PPP2R2B: variants seen among roughly 807,000 people sequenced by gnomAD.
The protein encoded by PPP2R2B is protein phosphatase 2 regulatory subunit Bbeta.
A neutral mutation model predicts 46.0 loss-of-function variants in PPP2R2B; 5 were observed. The observed-to-expected ratio is 0.11, with a 90% confidence interval of 0.06 to 0.23. PPP2R2B has a LOEUF of 0.23. PPP2R2B is among the 10% of genes least tolerant of loss of function. PPP2R2B has a pLI of 1.00. For missense variants in PPP2R2B, 367 were observed against 575.0 expected (o/e 0.64, Z 3.70); for synonymous variants, 215 against 206.7 (o/e 1.04, Z -0.34).
At position 146,600,476 on chromosome 5, in the gene PPP2R2B, A is replaced by G. The variant is rs1185051084; in HGVS notation, c.791-16T>C. The G allele has an allele frequency of 2.5e-6, 4 of 1,611,122 alleles. No homozygotes were observed. The African/African-American group carries it at 4.0e-5, about 16-fold the overall frequency. ...TCTTCAAAAACTGCAGAACAAAAGC[A>G]AAACAAGACAAATTTAGCAATCCTT... On this transcript the variant is annotated splice_polypyrimidine_tract_variant and intron_variant, in intron 7 of 9. Transcript: ENST00000394411.
chr5:146,848,577 G>A (rs1760148400), intron 2 of PPP2R2B, among the ~76,000 whole-genome samples: 1 of 152,094 alleles, frequency 6.6e-6, no homozygotes, highest in Admixed American at 6.5e-5. Context: ...CAGAGATAAA[G>A]TGCCATTTCC....
intron 2 of PPP2R2B, among the ~76,000 whole-genome samples, chr5:146,854,944 C>G (rs1313813170): frequency 6.6e-6 from 1 of 152,140 alleles, no homozygotes; most frequent in Non-Finnish European, 1.5e-5. Flanking sequence ...TGATATGACA[C>G]AAGTCGTAAA....
At chr5:146,987,266 A>G (rs1753473959) in intron 1 of PPP2R2B, among the ~76,000 whole-genome samples, 1 of 152,132 alleles carries the variant, frequency 6.6e-6, no homozygotes, top group African/African-American at 2.4e-5. Context: ...GGGATCTTCA[A>G]TCTGAAGGAA....
At chr5:146,801,683 C>T (rs960544724) in intron 2 of PPP2R2B, among the ~76,000 whole-genome samples, 12 of 152,256 alleles carry the variant, frequency 7.9e-5, no homozygotes, top group Non-Finnish European at 1.8e-4. Flanking sequence ...TTTATTCACT[C>T]ACCCATAAAA....
At position 146,909,117 on chromosome 5, in the gene PPP2R2B, G is replaced by T. The variant is rs150832974; in HGVS notation, c.79+146548C>A. ...GGGCAGTGGGAGGTCACAGAAAGTAGCAGGGTGAGTGACCTTGACTGTTTC... is the reference window on the plus strand; with the variant it reads ...GGGCAGTGGGAGGTCACAGAAAGTATCAGGGTGAGTGACCTTGACTGTTTC... On this transcript the variant is annotated intron_variant, in intron 1 of 8. Transcript: ENST00000336640. Among the ~76,000 whole-genome samples the T allele has an allele frequency of 2.6e-5, 4 of 152,306 alleles. No homozygotes were observed. The East Asian group carries it at 7.7e-4, about 29-fold the overall frequency.
chr5:146,934,252 G>A (rs1363874780), intron 1 of PPP2R2B, among the ~76,000 whole-genome samples: 4 of 151,438 alleles, frequency 2.6e-5, no homozygotes, highest in Non-Finnish European at 4.4e-5. Flanking sequence ...CTGAGGAATC[G>A]CCACACTGAC....
At chr5:146,732,081 C>T (rs190742279) in intron 2 of PPP2R2B, among the ~76,000 whole-genome samples, 6 of 152,230 alleles carry the variant, frequency 3.9e-5, no homozygotes, top group Admixed American at 2.0e-4. Context: ...CTCAGGCCTC[C>T]TGGAAAAGTC....
intron 2 of PPP2R2B, among the ~76,000 whole-genome samples, chr5:146,731,099 C>A (rs921376021): frequency 6.6e-6 from 1 of 152,200 alleles, no homozygotes; most frequent in Non-Finnish European, 1.5e-5. Context: ...CTTTTCCAAT[C>A]CATGCTCTAT....
intron 6 of PPP2R2B, among the ~76,000 whole-genome samples, chr5:146,643,205 A>AGAGAGAGG (rs2151085064): frequency 6.6e-6 from 1 of 152,066 alleles, no homozygotes; most frequent in African/African-American, 2.4e-5. Context: ...AGAGAGAGAG[A>AGAGAGAGG]GGGAGACAGA....
At chr5:146,698,650 G>A (rs1779352370) in intron 3 of PPP2R2B, among the ~76,000 whole-genome samples, 1 of 151,888 alleles carries the variant, frequency 6.6e-6, no homozygotes, top group Non-Finnish European at 1.5e-5. Context: ...GTAGGGTGGG[G>A]CAAGGAAATG....
intron 1 of PPP2R2B, among the ~76,000 whole-genome samples, chr5:146,974,924 C>T (rs1330515195): frequency 1.3e-5 from 2 of 151,958 alleles, no homozygotes; most frequent in African/African-American, 2.4e-5. Context: ...CTCCCGACCT[C>T]GTGATCCGCC....
At chr5:146,967,475 G>A (rs1254674222) in intron 1 of PPP2R2B, among the ~76,000 whole-genome samples, 1 of 152,202 alleles carries the variant, frequency 6.6e-6, no homozygotes, top group Non-Finnish European at 1.5e-5. Context: ...CTGAGGGACA[G>A]AGAAGTTAAG....
At chr5:146,791,094 C>G (rs562196273) in intron 2 of PPP2R2B, among the ~76,000 whole-genome samples, 1 of 152,144 alleles carries the variant, frequency 6.6e-6, no homozygotes, top group African/African-American at 2.4e-5. Flanking sequence ...AGTCACCTAT[C>G]TTTTAGGACC....
At chr5:146,692,033 G>T (rs1253265716) in intron 4 of PPP2R2B, among the ~76,000 whole-genome samples, 1 of 152,000 alleles carries the variant, frequency 6.6e-6, no homozygotes, top group Non-Finnish European at 1.5e-5. Context: ...CCTGACAATT[G>T]GTTGATTATT....
At chr5:146,771,247 G>A (rs192983013) in intron 2 of PPP2R2B, among the ~76,000 whole-genome samples, 1 of 152,268 alleles carries the variant, frequency 6.6e-6, no homozygotes, top group Non-Finnish European at 1.5e-5. Flanking sequence ...ATACCTCTTT[G>A]ATGCTTGTTC....
intron 2 of PPP2R2B, among the ~76,000 whole-genome samples, chr5:147,065,564 G>A (rs1169503570): frequency 6.6e-6 from 1 of 152,058 alleles, no homozygotes; most frequent in Non-Finnish European, 1.5e-5. Flanking sequence ...AAGGAGAGGG[G>A]GAGTAAGCCA....
chr5:146,741,071 C>T (rs904826122), intron 2 of PPP2R2B, among the ~76,000 whole-genome samples: 4 of 151,984 alleles, frequency 2.6e-5, no homozygotes, highest in Admixed American at 2.6e-4. Flanking sequence ...TGGGTCCCAC[C>T]CCAGTTCTAC....
At chr5:146,608,444 T>C (rs1398100505) in intron 7 of PPP2R2B, among the ~76,000 whole-genome samples, 2 of 152,168 alleles carry the variant, frequency 1.3e-5, no homozygotes, top group African/African-American at 4.8e-5. Flanking sequence ...CTTTAAAATG[T>C]AGACATCAAT....
intron 2 of PPP2R2B, among the ~76,000 whole-genome samples, chr5:146,845,610 T>G (rs1271187171): frequency 6.6e-6 from 1 of 152,168 alleles, no homozygotes; most frequent in Non-Finnish European, 1.5e-5. Context: ...AGGTGTAAGC[T>G]GAAGAACAGA....
Sources: gnomAD v4.1 joint callset for allele counts (sites outside exome capture counted in the v4.1 genomes callset) on GRCh38, gnomAD v4.1.1 for gene constraint, MANE v1.5 for transcripts, NCBI Gene and HGNC (gene_info 2026-07-23, HGNC 2026-07-21) for gene names.